Variants in CAND1 observed in about 807,000 individuals in gnomAD.
CAND1 encodes cullin-associated NEDD8-dissociated protein 1.
In CAND1, 7 loss-of-function variants were observed where a neutral mutation model predicts 108.5. That is an observed-to-expected ratio of 0.06 (90% CI 0.04 to 0.12). CAND1 has a LOEUF of 0.12. Ranked by LOEUF, CAND1 falls within the 10% of genes least tolerant of loss-of-function variation. The pLI is 1.00. For missense variants in CAND1, 941 were observed against 1,448.7 expected (o/e 0.65, Z 5.69); for synonymous variants, 534 against 512.0 (o/e 1.04, Z -0.58).
chr12:67,298,223 C>T (rs1211557163), intron 6 of CAND1, among the ~76,000 whole-genome samples: 1 of 152,074 alleles, frequency 6.6e-6, no homozygotes, highest in Non-Finnish European at 1.5e-5. Flanking sequence ...TAGGTCACAT[C>T]CATTTTGCTA....
At position 67,319,342 on chromosome 12, in the gene CAND1, T is replaced by G. The variant is rs370284353; in HGVS notation, c.*6512T>G. 6.6e-6 allele frequency: 1 copy of G among 152,368 alleles called. No homozygotes were observed. The highest frequency in any genetic ancestry group is 1.9e-4 in the East Asian group (1 of 5,192). The allele number at this position is 152,368 out of a possible 1,614,324, so 9.4% of individuals were successfully genotyped here. ...AAATATTTCCCTTGCCTTCTCAAGTTTGCTCAAGGTCAAGTTATGCCTTTT... is the reference window on the plus strand; with the variant it reads ...AAATATTTCCCTTGCCTTCTCAAGTGTGCTCAAGGTCAAGTTATGCCTTTT... On this transcript the variant is annotated 3_prime_UTR_variant, in exon 15 of 15. Transcript: ENST00000545606.
At chr12:67,285,414 A>C (rs1240939431) in intron 2 of CAND1, among the ~76,000 whole-genome samples, 1 of 152,224 alleles carries the variant, frequency 6.6e-6, no homozygotes, top group Non-Finnish European at 1.5e-5. Flanking sequence ...GAAACTAGAC[A>C]AATTGACTAA....
At chr12:67,308,383 T>C (rs1214630969) in intron 11 of CAND1, among the ~76,000 whole-genome samples, 1 of 152,092 alleles carries the variant, frequency 6.6e-6, no homozygotes, top group African/African-American at 2.4e-5. Flanking sequence ...AGAAACAACT[T>C]ATTGGCATTT....
In CAND1 at chr12:67,304,535, A is replaced by G. The variant is rs1167519690; in HGVS notation, c.1294-70A>G. ...ACTCTTCCCTTTATCCTCATTCTCC[A>G]TAATTCATGTTAAGTGTACTGAGGA... On this transcript the variant is annotated intron_variant, in intron 8 of 14. Coordinates refer to ENST00000545606, the MANE Select transcript of CAND1 (RefSeq NM_018448.5). 8.2e-6 allele frequency: 12 copies of G among 1,471,978 alleles called. No individual in the cohort carries two copies. In the Admixed American group the frequency reaches 1.1e-4, roughly 13 times the overall value. The allele number at this position is 1,471,978 out of a possible 1,614,324, so 91.2% of individuals were successfully genotyped here.
At chr12:67,302,288 A>G (rs754294302) in intron 7 of CAND1, 35 bp from the exon 8 acceptor site, 2 of 1,555,118 alleles carry the variant, frequency 1.3e-6, no homozygotes, top group East Asian at 4.5e-5. Context: ...TTCTCTTGTC[A>G]TTAATAGCCT....
Position 67,297,602 on chromosome 12 carries a change from A to T in CAND1, c.687A>T (p.Ser229=). ...AGTTGTCCAAAAATGATTCTATGTC[A>T]ACAACAAGAACCTACATACAATGTA... The part of the protein sequence containing the change: ...LSELSKNDSM[S]TTRTYIQCIA... The change falls in exon 5 of 15, where the codon TCA becomes TCT. Residue 229 remains serine (S), a synonymous_variant. Transcript: ENST00000545606. 1 of 1,614,032 alleles carries T rather than the reference A, an allele frequency of 6.2e-7. No individual in the cohort carries two copies. Among genetic ancestry groups the T allele is most frequent in the Non-Finnish European group, 8.5e-7 (1 of 1,179,940 alleles).
intron 2 of CAND1, among the ~76,000 whole-genome samples, chr12:67,289,812 A>G (rs904283053): frequency 6.6e-5 from 10 of 152,114 alleles, no homozygotes; most frequent in Non-Finnish European, 1.5e-4. Context: ...ATTAGGCTAT[A>G]TTTAACCTTT....
intron 3 of CAND1, among the ~76,000 whole-genome samples, chr12:67,293,626 GCCTGTAAT>G (rs2044741713): frequency 1.3e-5 from 2 of 152,246 alleles, no homozygotes; most frequent in South Asian, 4.1e-4. Flanking sequence ...GGTGGTGCAT[GCCTGTAAT>G]CCCAGCTACT....
rs753571203 is a variant in CAND1 at position 67,305,363 on chromosome 12, C to G, written c.1695C>G (p.Ile565Met). 6.2e-7 allele frequency: 1 copy of G among 1,614,084 alleles called. No homozygotes were observed. Among genetic ancestry groups the G allele is most frequent in the East Asian group, 2.2e-5 (1 of 44,878 alleles). ...CCTCGTTTGATGCAACTCCTTATAT[C>G]AAAGATCTATTTACCTGTACCATTA... ...QPSSFDATPY[I>M]KDLFTCTIKR... Residue 565 changes from isoleucine to methionine, a missense_variant, in exon 10 of 15, where the codon ATC becomes ATG. Coordinates refer to ENST00000545606, the MANE Select transcript of CAND1 (RefSeq NM_018448.5). The surrounding 1 kb of genome is among the most constrained non-coding windows in gnomAD (Gnocchi z 4.4).
chr12:67,289,357 T>C (rs1401024691), intron 2 of CAND1, among the ~76,000 whole-genome samples: 1 of 65,278 alleles, frequency 1.5e-5, no homozygotes, highest in Non-Finnish European at 3.0e-5. Context: ...TAGCTGGGAT[T>C]ACAGGCATGT....
intron 10 of CAND1, 127 bp from the exon 11 acceptor site, chr12:67,307,270 A>G (rs1565729151): frequency 3.0e-6 from 2 of 665,528 alleles, no homozygotes; most frequent in Non-Finnish European, 5.4e-6. Context: ...AATAAGAAAT[A>G]CCCTTCTTGG....
chr12:67,305,471 A>G lies in CAND1; in HGVS notation c.1803A>G (p.Gly601=). The G allele has an allele frequency of 6.2e-7, 1 of 1,613,694 alleles. No homozygotes were observed. Among genetic ancestry groups the G allele is most frequent in the Non-Finnish European group, 8.5e-7 (1 of 1,180,018 alleles). ...TGGGACAAATTATTTGCAACCTTGG[A>G]GACAATTTGGGTTCTGACTTGCCTA... is the stretch of plus-strand genomic sequence containing the variant. The part of the protein sequence containing the change: ...SCMGQIICNL[G]DNLGSDLPNT... The change falls in exon 10 of 15, where the codon GGA becomes GGG. Residue 601 remains glycine (G), a synonymous_variant. Transcript: ENST00000545606. The surrounding 1 kb of genome is among the most constrained non-coding windows in gnomAD (Gnocchi z 4.4).
At position 67,305,950 on chromosome 12, in the gene CAND1, C is replaced by T. The variant is rs779780590; in HGVS notation, c.2282C>T (p.Ala761Val). 2.5e-6 allele frequency: 4 copies of T among 1,614,180 alleles called. No homozygotes were observed. The highest frequency in any genetic ancestry group is 3.3e-5 in the Admixed American group (2 of 60,028). Residue 761 changes from alanine (A) to valine (V), a missense_variant, in exon 10 of 15, where the codon GCT becomes GTT. By Grantham distance (64) the Ala-to-Val change is moderately conservative. Coordinates refer to ENST00000545606, the MANE Select transcript of CAND1 (RefSeq NM_018448.5). This position sits in a 1 kb window ranked among gnomAD's most constrained non-coding sequence, Gnocchi z 4.4. ...AGTGCCATGCTAGACTTTTTCCAAG[C>T]TCTGGTTGTCACTGGAACAAATAAT... ...ALSAMLDFFQ[A>V]LVVTGTNNLG...
At chr12:67,285,053 A>G (rs1300172744) in intron 2 of CAND1, among the ~76,000 whole-genome samples, 2 of 152,222 alleles carry the variant, frequency 1.3e-5, no homozygotes, top group South Asian at 4.1e-4. Context: ...AGCTTTTCAT[A>G]TAAGCTTTTG....
Position 67,313,777 on chromosome 12 carries a change from A to T in CAND1, c.*947A>T, listed in dbSNP as rs2044979315. 1 of 152,488 alleles carries T rather than the reference A, an allele frequency of 6.6e-6. No homozygotes were observed. The highest frequency in any genetic ancestry group is 1.5e-5 in the Non-Finnish European group (1 of 67,994). The allele number at this position is 152,488 out of a possible 1,614,324, so 9.4% of individuals were successfully genotyped here. A position where few individuals can be genotyped will look rare whatever the true frequency, so the allele number is the denominator to read the frequency against. ...CAGATTTTTCTTTCATTCCGTTTGG[A>T]TGTCTACATTCCTTATCAAAGGATA... On this transcript the variant is annotated 3_prime_UTR_variant, in exon 15 of 15. Transcript: ENST00000545606.
At chr12:67,308,013 G>A (rs2044907035) in intron 11 of CAND1, among the ~76,000 whole-genome samples, 1 of 151,916 alleles carries the variant, frequency 6.6e-6, no homozygotes, top group African/African-American at 2.4e-5. Flanking sequence ...AGAAAAACTA[G>A]GGCTTCTCTA....
chr12:67,269,906 C>T, intron 1 of CAND1, 121 bp downstream of exon 1: 3 of 750,216 alleles, frequency 4.0e-6, no homozygotes, highest in Non-Finnish European at 6.5e-6. Context: ...CCCGAAGTCT[C>T]CAGCCCACCG....
chr12:67,319,670 G>A lies in CAND1; in HGVS notation c.*6840G>A, dbSNP rs2045041209. The A allele has an allele frequency of 6.6e-6, 1 of 152,206 alleles. No homozygotes were observed. The highest frequency in any genetic ancestry group is 1.5e-5 in the Non-Finnish European group (1 of 68,034). 9.4% of individuals were successfully genotyped at this position (152,206 alleles called of 1,614,324 possible). A position where few individuals can be genotyped will look rare whatever the true frequency, so the allele number is the denominator to read the frequency against. The stretch of plus-strand genomic sequence containing the variant: ...CGACTAGTCCAGCTGTTCACAAACA[G>A]CCCTTAATGTCAAACTGAATACTGC... On this transcript the variant is annotated 3_prime_UTR_variant, in exon 15 of 15. Transcript: ENST00000545606.
chr12:67,271,946 G>A (rs1045027424), intron 1 of CAND1, among the ~76,000 whole-genome samples: 4 of 152,196 alleles, frequency 2.6e-5, no homozygotes, highest in African/African-American at 9.6e-5. Context: ...TAATTAGTGA[G>A]CGTTTGGAGT....
Sources: gnomAD v4.1 joint callset for allele counts (sites outside exome capture counted in the v4.1 genomes callset) on GRCh38, gnomAD v4.1.1 for gene constraint, Gnocchi (gnomAD v3.1) non-coding constraint, MANE v1.5 for transcripts, NCBI Gene and HGNC (gene_info 2026-07-23, HGNC 2026-07-21) for gene names.